The following DAP3 variants were observed in gnomAD, a reference collection of about 807,000 sequenced individuals.
The protein encoded by DAP3 is death associated protein 3, also known as small ribosomal subunit protein mS29.
A neutral mutation model predicts 51.9 loss-of-function variants in DAP3; 28 were observed. The observed-to-expected ratio is 0.54, with a 90% confidence interval of 0.40 to 0.74. The LOEUF (loss-of-function observed/expected upper bound fraction) is 0.74, where lower values mean the gene tolerates loss of function less well. Among genes scored for constraint, DAP3 ranks in the 30% least tolerant of loss-of-function variants. The pLI, the probability that DAP3 is intolerant of heterozygous loss-of-function variation, is 0.00. For missense variants in DAP3, 458 were observed against 483.5 expected, an observed-to-expected ratio of 0.95 and a Z score of 0.49; for synonymous variants, 170 against 170.3, an observed-to-expected ratio of 1.00 and a Z score of 0.01.
At position 155,738,416 on chromosome 1, in the gene DAP3, G is replaced by A. The variant is rs1660022669; in HGVS notation, c.*174G>A. 1.9e-5 allele frequency: 10 copies of A among 533,164 alleles called. No individual in the cohort carries two copies. The highest frequency in any genetic ancestry group is 3.0e-5 in the South Asian group (1 of 33,034). 33.0% of individuals were successfully genotyped at this position (533,164 alleles called of 1,614,324 possible). A position where few individuals can be genotyped will look rare whatever the true frequency, so the allele number is the denominator to read the frequency against. On this transcript the variant is annotated 3_prime_UTR_variant, in exon 13 of 13. Coordinates refer to ENST00000368336, the MANE Select transcript of DAP3 (RefSeq NM_004632.4). ...TTAAAATGGGTTTCACTGTGAATGCGTGACAATAAGATATTCCCTTGTTCC... is the reference window on the plus strand; with the variant it reads ...TTAAAATGGGTTTCACTGTGAATGCATGACAATAAGATATTCCCTTGTTCC...
At chr1:155,733,822 G>C (rs1479900773) in intron 11 of DAP3, among the ~76,000 whole-genome samples, 1 of 151,764 alleles carries the variant, frequency 6.6e-6, no homozygotes, top group Non-Finnish European at 1.5e-5. Context: ...GAGCCACAAA[G>C]CAAGACTCCG....
intron 1 of DAP3, chr1:155,689,745 CTA>C: frequency 4.8e-6 from 1 of 206,328 alleles, no homozygotes; most frequent in Admixed American, 5.3e-5. Flanking sequence ...AACCCCGTCT[CTA>C]CTAAAAATAC....
intron 2 of DAP3, 29 bp downstream of exon 2, chr1:155,709,853 T>G: frequency 6.2e-7 from 1 of 1,604,656 alleles, no homozygotes; most frequent in Non-Finnish European, 8.5e-7. Flanking sequence ...GAACACTCTG[T>G]GCATACTGCC....
intron 2 of DAP3, among the ~76,000 whole-genome samples, chr1:155,715,526 AAAAG>A (rs1657228241): frequency 2.6e-5 from 3 of 113,580 alleles, no homozygotes; most frequent in Admixed American, 1.6e-4. Flanking sequence ...TGTCTTAAAA[AAAAG>A]AGAGAGAGAG....
chr1:155,726,093 A>ATTTTC (rs1306158184), intron 6 of DAP3, 74 bp downstream of exon 6: 29 of 1,161,764 alleles, frequency 2.5e-5, no homozygotes, highest in South Asian at 1.6e-4. Context: ...TGCAGCTTTA[A>ATTTTC]TTTTCTTTTC....
chr1:155,725,924 T>C lies in DAP3; in HGVS notation c.380-3T>C, dbSNP rs375518445. ...ATGTTTTCTTTAACAACATATACTT[T>C]AGATGGAGAGAAGGGAACAGGAAAA... On this transcript the variant is annotated splice_polypyrimidine_tract_variant and splice_region_variant and intron_variant, in intron 5 of 12. Transcript: ENST00000368336. 1.1e-5 allele frequency: 18 copies of C among 1,613,166 alleles called. No homozygotes were observed. The highest frequency in any genetic ancestry group is 1.5e-5 in the Non-Finnish European group (18 of 1,179,340).
chr1:155,727,059 G>A (rs1459264017), intron 6 of DAP3: 1 of 152,328 alleles, frequency 6.6e-6, no homozygotes, highest in African/African-American at 2.4e-5. Context: ...TTTGCCATCT[G>A]TTAACAGTCC....
chr1:155,708,549 T>G (rs1386577697), intron 1 of DAP3, among the ~76,000 whole-genome samples: 3 of 145,412 alleles, frequency 2.1e-5, no homozygotes, highest in Non-Finnish European at 4.5e-5. Flanking sequence ...TGTTTTTTTT[T>G]TTTTTTTTTT....
intron 1 of DAP3, among the ~76,000 whole-genome samples, chr1:155,708,333 G>GCCA (rs780873989): frequency 6.6e-6 from 1 of 152,074 alleles, no homozygotes; most frequent in Non-Finnish European, 1.5e-5. Flanking sequence ...ACAGGCTTGA[G>GCCA]CCACCACACT....
Position 155,725,598 on chromosome 1 carries a change from C to A in DAP3, c.379+108C>A, listed in dbSNP as rs1332352977. On this transcript the variant is annotated intron_variant, in intron 5 of 12. Transcript: ENST00000368336. Reference sequence around the variant, plus strand: ...ACTGTTGAGGCCGGGCATGGTAGCTCACACCTATAATCCCAGGAGTTTGGG... The same window carrying A: ...ACTGTTGAGGCCGGGCATGGTAGCTAACACCTATAATCCCAGGAGTTTGGG... 4.7e-6 allele frequency: 5 copies of A among 1,057,050 alleles called. No individual in the cohort carries two copies. In the Admixed American group the frequency reaches 9.5e-5, roughly 20 times the overall value. The allele number at this position is 1,057,050 out of a possible 1,614,324, so 65.5% of individuals were successfully genotyped here. A position where few individuals can be genotyped will look rare whatever the true frequency, so the allele number is the denominator to read the frequency against.
chr1:155,711,583 G>GTTT (rs369251790), intron 2 of DAP3, among the ~76,000 whole-genome samples: 1 of 144,468 alleles, frequency 6.9e-6, no homozygotes, highest in Non-Finnish European at 1.5e-5. Flanking sequence ...AGAAAGTTTT[G>GTTT]TTTTTTTTTT....
Position 155,731,406 on chromosome 1 carries a change from A to G in DAP3, c.894A>G (p.Lys298=). 6.2e-7 allele frequency: 1 copy of G among 1,614,132 alleles called. No individual in the cohort carries two copies. Among genetic ancestry groups the G allele is most frequent in the Non-Finnish European group, 8.5e-7 (1 of 1,179,992 alleles). ...ALVHNLRKMM[K]NDWHGGAIVS... ...TTCACAACTTGAGGAAAATGATGAA[A>G]AATGATTGGGTAAGTGCATATGATA... Residue 298 remains lysine (K), a synonymous_variant, in exon 10 of 13, where the codon AAA becomes AAG. Transcript: ENST00000368336.
intron 12 of DAP3, 44 bp from the exon 13 acceptor site, chr1:155,738,113 A>G: frequency 6.3e-7 from 1 of 1,590,236 alleles, no homozygotes; most frequent in Non-Finnish European, 8.6e-7. Context: ...AACACAGTGC[A>G]GCAGGAGGAA....
At chr1:155,729,539 C>T (rs1658978181) in intron 9 of DAP3, among the ~76,000 whole-genome samples, 173 bp downstream of exon 9, 1 of 151,818 alleles carries the variant, frequency 6.6e-6, no homozygotes, top group Admixed American at 6.6e-5. Flanking sequence ...CATTGGCTCA[C>T]GAGGCTGAGG....
At chr1:155,737,714 C>T (rs1451552347) in intron 12 of DAP3, among the ~76,000 whole-genome samples, 2 of 150,832 alleles carry the variant, frequency 1.3e-5, no homozygotes, top group Non-Finnish European at 2.9e-5. Context: ...CACTTGATGT[C>T]GGGAGTTTGA....
At chr1:155,720,022 T>C (rs114104743) in intron 3 of DAP3, among the ~76,000 whole-genome samples, 10,455 of 152,036 alleles carry the variant, frequency 0.069, 484 homozygotes, top group Middle Eastern at 0.11. Flanking sequence ...AGATATCTTT[T>C]CCAGCTTTAA....
chr1:155,733,832 G>A lies in DAP3; in HGVS notation c.993+1799G>A, dbSNP rs576945086. Among the ~76,000 whole-genome samples, 14 of 151,502 alleles carry A rather than the reference G, an allele frequency of 9.2e-5. No homozygotes were observed. The East Asian group carries it at 1.9e-3, about 21-fold the overall frequency. ...AGCCTGAGCCACAAAGCAAGACTCCGTCTCAAGAAAAACAAAAAACAAAAA... is the reference window on the plus strand; with the variant it reads ...AGCCTGAGCCACAAAGCAAGACTCCATCTCAAGAAAAACAAAAAACAAAAA... On this transcript the variant is annotated intron_variant, in intron 11 of 12. Transcript: ENST00000368336.
chr1:155,697,162 C>T (rs564511686), intron 1 of DAP3, among the ~76,000 whole-genome samples: 25 of 152,304 alleles, frequency 1.6e-4, no homozygotes, highest in Admixed American at 7.9e-4. Flanking sequence ...AGACAGGATG[C>T]TGCAGGGTGA....
At chr1:155,717,348 A>T (rs72999079) in intron 3 of DAP3, among the ~76,000 whole-genome samples, 225 of 152,226 alleles carry the variant, frequency 1.5e-3, no homozygotes, top group African/African-American at 5.2e-3. Flanking sequence ...TTCCCATGTA[A>T]TCTCTACTAG....
Sources: gnomAD v4.1 joint callset for allele counts (sites outside exome capture counted in the v4.1 genomes callset) on GRCh38, gnomAD v4.1.1 for gene constraint, MANE v1.5 for transcripts, NCBI Gene and HGNC (gene_info 2026-07-23, HGNC 2026-07-21) for gene names.